DTNB: variants seen among roughly 807,000 people sequenced by gnomAD.
The protein encoded by DTNB is dystrobrevin beta.
A neutral mutation model predicts 90.7 loss-of-function variants in DTNB; 63 were observed. The ratio of observed to expected loss-of-function variants is 0.69; its 90% CI spans 0.57 to 0.86. The LOEUF (loss-of-function observed/expected upper bound fraction) is 0.86. Among genes scored for constraint, DTNB ranks in the 40% least tolerant of loss-of-function variants. The probability of loss-of-function intolerance (pLI) is 0.00; values close to 1 mark genes in which losing one functional copy is unlikely to be tolerated. For synonymous variants in DTNB, 277 were observed against 286.7 expected (o/e 0.97, Z 0.34); for missense variants, 744 against 807.1 (o/e 0.92, Z 0.95).
At chr2:25,435,711 A>G (rs1360207732) in intron 12 of DTNB, among the ~76,000 whole-genome samples, 1 of 152,078 alleles carries the variant, frequency 6.6e-6, no homozygotes, top group African/African-American at 2.4e-5. Flanking sequence ...ATGTATGTTG[A>G]GTTATGTTAT....
intron 11 of DTNB, among the ~76,000 whole-genome samples, chr2:25,454,716 T>C (rs1371410523): frequency 6.6e-6 from 1 of 152,238 alleles, no homozygotes; most frequent in East Asian, 1.9e-4. Flanking sequence ...TCAAACGTTT[T>C]TCCATCCCAA....
chr2:25,403,930 C>T (rs2044383312), intron 16 of DTNB, among the ~76,000 whole-genome samples: 1 of 152,186 alleles, frequency 6.6e-6, no homozygotes, highest in Non-Finnish European at 1.5e-5. Flanking sequence ...CTGTGCCCAG[C>T]CTAGAGGAAC....
chr2:25,439,671 G>A (rs957240562), intron 12 of DTNB, among the ~76,000 whole-genome samples: 1 of 152,142 alleles, frequency 6.6e-6, no homozygotes, highest in African/African-American at 2.4e-5. Flanking sequence ...GTAGGGAGAC[G>A]AATTAGTAAT....
At chr2:25,384,007 G>A in intron 18 of DTNB, 118 bp from the exon 19 acceptor site, 1 of 1,573,242 alleles carries the variant, frequency 6.4e-7, no homozygotes, top group Non-Finnish European at 8.6e-7. Flanking sequence ...GCTCCTGGCT[G>A]CAGGCCTCTG....
At chr2:25,400,691 G>T (rs371855430) in intron 16 of DTNB, among the ~76,000 whole-genome samples, 15 of 152,172 alleles carry the variant, frequency 9.9e-5, no homozygotes, top group African/African-American at 3.6e-4. Context: ...AGTGTTTTAA[G>T]GTTTCCTGAT....
intron 14 of DTNB, among the ~76,000 whole-genome samples, chr2:25,432,291 T>A (rs1486593881): frequency 6.6e-6 from 1 of 151,460 alleles, no homozygotes; most frequent in Non-Finnish European, 1.5e-5. Flanking sequence ...ATGGATCAGA[T>A]CACTTCTGTG....
intron 9 of DTNB, among the ~76,000 whole-genome samples, chr2:25,485,592 G>A (rs937628575): frequency 3.3e-5 from 5 of 152,190 alleles, no homozygotes; most frequent in Admixed American, 1.3e-4. Context: ...AATCATAACT[G>A]ACCCCCAAAT....
At chr2:25,628,453 A>G (rs1559300148) in intron 3 of DTNB, 69 bp from the exon 4 acceptor site, 1 of 1,403,832 alleles carries the variant, frequency 7.1e-7, no homozygotes, top group Non-Finnish European at 9.7e-7. Flanking sequence ...ATAGGAATCT[A>G]AAATTTATCA....
chr2:25,644,092 C>A (rs926886820), intron 2 of DTNB, among the ~76,000 whole-genome samples: 3 of 152,190 alleles, frequency 2.0e-5, no homozygotes, highest in African/African-American at 7.2e-5. Flanking sequence ...GAATAATCCA[C>A]CTCTTGTTTA....
At chr2:25,523,696 T>C (rs1276450129) in intron 9 of DTNB, among the ~76,000 whole-genome samples, 1 of 151,990 alleles carries the variant, frequency 6.6e-6, no homozygotes, top group African/African-American at 2.4e-5. Context: ...TACTCTGCAT[T>C]GCACTCTGAA....
At chr2:25,599,962 G>C (rs1201646149) in intron 5 of DTNB, among the ~76,000 whole-genome samples, 1 of 152,134 alleles carries the variant, frequency 6.6e-6, no homozygotes, top group Non-Finnish European at 1.5e-5. Flanking sequence ...GCTAGGCATG[G>C]TGGCAGGTGC....
intron 8 of DTNB, among the ~76,000 whole-genome samples, chr2:25,565,285 G>A (rs1402571970): frequency 1.3e-5 from 2 of 152,086 alleles, no homozygotes; most frequent in African/African-American, 4.8e-5. Context: ...ACCCAGGCTG[G>A]AGTGCCAGTG....
intron 15 of DTNB, chr2:25,426,695 C>T (rs2149880399): frequency 6.6e-6 from 1 of 152,348 alleles, no homozygotes; most frequent in Middle Eastern, 3.4e-3. Context: ...TAACATGAGA[C>T]TCCTTTACCT....
At chr2:25,383,758 A>G (rs777527361) in intron 19 of DTNB, 78 bp downstream of exon 19, 3 of 1,613,374 alleles carry the variant, frequency 1.9e-6, no homozygotes, top group South Asian at 1.1e-5. Flanking sequence ...GGAGGAATGC[A>G]GAAACAAAGT....
At chr2:25,501,171 T>C (rs976471825) in intron 9 of DTNB, among the ~76,000 whole-genome samples, 1 of 151,698 alleles carries the variant, frequency 6.6e-6, no homozygotes, top group African/African-American at 2.4e-5. Context: ...TTGATGAACA[T>C]AAAAAATAAG....
intron 19 of DTNB, among the ~76,000 whole-genome samples, chr2:25,383,308 C>T (rs2038436576): frequency 6.7e-6 from 1 of 148,446 alleles, no homozygotes; most frequent in South Asian, 2.1e-4. Flanking sequence ...CTCTGCCTCC[C>T]AGGTTCAAGT....
chr2:25,501,880 T>C (rs2150570644), intron 9 of DTNB, among the ~76,000 whole-genome samples: 1 of 152,212 alleles, frequency 6.6e-6, no homozygotes, highest in South Asian at 2.1e-4. Context: ...ACTTCAGATT[T>C]ATTAAAGTAT....
intron 18 of DTNB, chr2:25,385,981 C>G: frequency 1.0e-6 from 1 of 977,774 alleles, no homozygotes; most frequent in Non-Finnish European, 1.2e-6. Flanking sequence ...AGTGGGATTT[C>G]TGACATCTGT....
intron 18 of DTNB, among the ~76,000 whole-genome samples, chr2:25,384,888 T>C (rs1326669602): frequency 1.3e-5 from 2 of 151,942 alleles, no homozygotes; most frequent in African/African-American, 2.4e-5. Context: ...TCTTTTCTTT[T>C]TTTTTTTTTG....
Sources: gnomAD v4.1 joint callset for allele counts (sites outside exome capture counted in the v4.1 genomes callset) on GRCh38, gnomAD v4.1.1 for gene constraint, MANE v1.5 for transcripts, NCBI Gene and HGNC (gene_info 2026-07-23, HGNC 2026-07-21) for gene names.